RADIL: variants seen among roughly 807,000 people sequenced by gnomAD.
RADIL encodes ras-associating and dilute domain-containing protein.
Under a neutral mutation model 97.6 loss-of-function variants are expected in RADIL, and 99 were observed. That is an observed-to-expected ratio of 1.01 (90% CI 0.86 to 1.20). The LOEUF (loss-of-function observed/expected upper bound fraction) is 1.20, where lower values mean the gene tolerates loss of function less well. Among genes scored for constraint, RADIL ranks in the 50% most tolerant of loss-of-function variants. RADIL has a pLI of 0.00. For missense variants in RADIL, 1,765 were observed against 1,498.9 expected (o/e 1.18, Z -2.93); for synonymous variants, 803 against 691.8 (o/e 1.16, Z -2.52).
chr7:4,800,441 C>A, intron 12 of RADIL, 131 bp from the exon 13 acceptor site: 2 of 1,020,850 alleles, frequency 2.0e-6, no homozygotes, highest in Non-Finnish European at 2.7e-6. Context: ...CCAGGAGACG[C>A]TGTTCAGGCA....
intron 10 of RADIL, among the ~76,000 whole-genome samples, chr7:4,804,847 G>C (rs923245070): frequency 2.0e-5 from 3 of 151,900 alleles, no homozygotes; most frequent in Admixed American, 2.0e-4. Flanking sequence ...TGTAATCCCA[G>C]CACTTTGGGA....
intron 9 of RADIL, chr7:4,811,222 A>G (rs940461776): frequency 6.6e-6 from 1 of 151,998 alleles, no homozygotes; most frequent in Admixed American, 6.5e-5. Context: ...GCGAGTGGAG[A>G]AGAAACAACA....
chr7:4,807,616 TC>T (rs573021857), intron 9 of RADIL, among the ~76,000 whole-genome samples: 8 of 54,362 alleles, frequency 1.5e-4, no homozygotes, highest in African/African-American at 2.4e-4. Context: ...TCCTTCTCTC[TC>T]CCCCCGTCTC....
chr7:4,874,892 T>C (rs998934509), intron 2 of RADIL, among the ~76,000 whole-genome samples: 4 of 151,650 alleles, frequency 2.6e-5, no homozygotes, highest in Non-Finnish European at 4.4e-5. Context: ...ACCCCATCTC[T>C]ACTAAAAATA....
rs368853709 is a variant in RADIL at position 4,832,190 on chromosome 7, A to G, written c.1417-12T>C. 2.7e-5 allele frequency: 43 copies of G among 1,609,876 alleles called. No homozygotes were observed. Among genetic ancestry groups the G allele is most frequent in the Middle Eastern group, 3.3e-4 (2 of 6,072 alleles). ...TCTTTGGTTTTCTCCTACAATTACA[A>G]AGCGGGAGAAAAAGCAAGTGAGCAA... On this transcript the variant is annotated splice_polypyrimidine_tract_variant and intron_variant, in intron 4 of 14. Coordinates refer to ENST00000399583, the MANE Select transcript of RADIL (RefSeq NM_018059.5).
At chr7:4,803,272 C>T (rs1164740435) in intron 11 of RADIL, among the ~76,000 whole-genome samples, 4 of 118,402 alleles carry the variant, frequency 3.4e-5, no homozygotes, top group South Asian at 2.9e-4. Context: ...GGGGCCCCCT[C>T]CCCGGGCACC....
rs1784454592 is a variant in RADIL at position 4,880,131 on chromosome 7, T to G, written c.-64-1928A>C. On this transcript the variant is annotated intron_variant, in intron 1 of 14. Transcript: ENST00000399583. The surrounding 1 kb of genome is among the most constrained non-coding windows in gnomAD (Gnocchi z 4.5). Reference sequence around the variant, plus strand: ...TGCCTGGCTTTCTGAAGAGGTGAATTTGCTGTAACAGGTCACGGAGTTCCC... The same window carrying G: ...TGCCTGGCTTTCTGAAGAGGTGAATGTGCTGTAACAGGTCACGGAGTTCCC... Among the ~76,000 whole-genome samples the G allele has an allele frequency of 6.6e-6, 1 of 152,052 alleles. No homozygotes were observed. Among genetic ancestry groups the G allele is most frequent in the African/African-American group, 2.4e-5 (1 of 41,394 alleles).
chr7:4,869,665 C>T (rs1163318863), intron 2 of RADIL, among the ~76,000 whole-genome samples: 1 of 152,022 alleles, frequency 6.6e-6, no homozygotes, highest in Admixed American at 6.5e-5. Context: ...TGCATCTGCA[C>T]TCTCTCTTCT....
At position 4,836,537 on chromosome 7, in the gene RADIL, CCCCCAGG is replaced by C; in HGVS notation, c.597_603del (p.Leu200MetfsTer19). The C allele has an allele frequency of 6.2e-7, 1 of 1,607,390 alleles. No homozygotes were observed. Among genetic ancestry groups the C allele is most frequent in the Non-Finnish European group, 8.5e-7 (1 of 1,179,308 alleles). On this transcript the variant is annotated frameshift_variant, in exon 3 of 15. Transcript: ENST00000399583. ...CGGGGTGGAGGAGAGCTCCGGGCAT[CCCCCAGG>C]GCCGGGGTCGGGGTTCCCTTCGCGC...
In RADIL at chr7:4,821,424, C is replaced by T. The variant is rs1782827630; in HGVS notation, c.1615+970G>A. On this transcript the variant is annotated intron_variant, in intron 6 of 14. Coordinates refer to ENST00000399583, the MANE Select transcript of RADIL (RefSeq NM_018059.5). This position sits in a 1 kb window ranked among gnomAD's most constrained non-coding sequence, Gnocchi z 5.2. ...GTCTGGCTCCATTCCAGGCCCCACACAGTCCTTAGCAGACACATGAGCCGA... is the reference window on the plus strand; with the variant it reads ...GTCTGGCTCCATTCCAGGCCCCACATAGTCCTTAGCAGACACATGAGCCGA... Among the ~76,000 whole-genome samples the T allele has an allele frequency of 1.3e-5, 2 of 152,232 alleles. No individual in the cohort carries two copies. The highest frequency in any genetic ancestry group is 4.1e-4 in the South Asian group (2 of 4,832).
intron 2 of RADIL, chr7:4,861,636 GTTCCTC>G (rs1562454946): frequency 1.9e-6 from 3 of 1,610,200 alleles, no homozygotes; most frequent in South Asian, 1.1e-5. Flanking sequence ...CTGCGCTGCA[GTTCCTC>G]TTCCTCTTCG....
intron 2 of RADIL, among the ~76,000 whole-genome samples, chr7:4,874,522 C>G (rs551624153): frequency 9.2e-4 from 140 of 152,308 alleles, no homozygotes; most frequent in African/African-American, 3.2e-3. Context: ...CTGAGGGTCA[C>G]AGGAGTCCCT....
intron 13 of RADIL, 100 bp downstream of exon 13, chr7:4,800,071 C>T: frequency 7.5e-6 from 11 of 1,467,734 alleles, no homozygotes; most frequent in Non-Finnish European, 9.9e-6. Context: ...CGAAGGCCTT[C>T]CTGTAGCCAC....
chr7:4,839,284 G>T (rs1031311303), intron 2 of RADIL, among the ~76,000 whole-genome samples: 9 of 152,184 alleles, frequency 5.9e-5, no homozygotes, highest in Non-Finnish European at 1.3e-4. Flanking sequence ...CCATGTAATT[G>T]TATGGTTTTG....
intron 2 of RADIL, among the ~76,000 whole-genome samples, chr7:4,864,912 T>C (rs1452977779): frequency 1.3e-5 from 2 of 152,220 alleles, no homozygotes; most frequent in Admixed American, 1.3e-4. Context: ...CCTCCCATTA[T>C]ACACAGTGTA....
chr7:4,808,213 C>T (rs572974149), intron 9 of RADIL, among the ~76,000 whole-genome samples: 11 of 147,382 alleles, frequency 7.5e-5, no homozygotes, highest in African/African-American at 2.0e-4. Flanking sequence ...CCTACCCTGG[C>T]ATCCCTCCGC....
chr7:4,818,580 C>T lies in RADIL; in HGVS notation c.1616-1229G>A, dbSNP rs1418317891. On this transcript the variant is annotated intron_variant, in intron 6 of 14. Coordinates refer to ENST00000399583, the MANE Select transcript of RADIL (RefSeq NM_018059.5). The surrounding 1 kb of genome is among the most constrained non-coding windows in gnomAD (Gnocchi z 7.1). ...AGGGGCTCTCGGGCTCTGCCAACCT[C>T]AACACTGTGCCCAGAAGCCTCCAGG... 2.0e-5 allele frequency among the ~76,000 whole-genome samples: 3 copies of T among 152,212 alleles called. No homozygotes were observed.
At chr7:4,806,314 T>C (rs1220097414) in intron 9 of RADIL, among the ~76,000 whole-genome samples, 2 of 151,256 alleles carry the variant, frequency 1.3e-5, no homozygotes, top group Non-Finnish European at 3.0e-5. Context: ...TATGTCCAGC[T>C]CATTAGTTTT....
intron 10 of RADIL, chr7:4,804,003 G>A: frequency 1.7e-6 from 1 of 571,664 alleles, no homozygotes; most frequent in Non-Finnish European, 3.2e-6. Flanking sequence ...AGGCCTTGTA[G>A]CCAGGAACCC....
Sources: allele counts gnomAD v4.1 joint callset (sites outside exome capture counted in the v4.1 genomes callset), GRCh38; gene constraint gnomAD v4.1.1; non-coding constraint Gnocchi (gnomAD v3.1); transcripts MANE v1.5; gene names NCBI Gene and HGNC (gene_info 2026-07-23, HGNC 2026-07-21).